The following RAB8B variants were observed in gnomAD, a reference collection of about 807,000 sequenced individuals.
The protein encoded by RAB8B is ras-related protein Rab-8B.
Under a neutral mutation model 32.0 loss-of-function variants are expected in RAB8B, and 11 were observed. The ratio of observed to expected loss-of-function variants is 0.34; its 90% CI spans 0.22 to 0.57. The LOEUF is 0.57. RAB8B is among the 20% of genes least tolerant of loss of function. The pLI is 0.86. For missense variants in RAB8B, 190 were observed against 258.5 expected (o/e 0.73, Z 1.82); for synonymous variants, 103 against 89.6 (o/e 1.15, Z -0.85).
chr15:63,195,880 A>G (rs1317713449), intron 1 of RAB8B, among the ~76,000 whole-genome samples: 2 of 152,214 alleles, frequency 1.3e-5, no homozygotes, highest in Admixed American at 6.5e-5. Flanking sequence ...AGCCACGGAA[A>G]TGTAAAAAGG....
intron 1 of RAB8B, among the ~76,000 whole-genome samples, chr15:63,217,998 A>G (rs1437508751): frequency 2.0e-5 from 3 of 152,194 alleles, no homozygotes; most frequent in Non-Finnish European, 4.4e-5. Flanking sequence ...TTTCTGAAAT[A>G]ATGTCTTTCT....
rs1381372299 is a variant in RAB8B, at chr15:63,266,815, C to T, written c.*3196C>T. 6.6e-6 allele frequency: 1 copy of T among 152,608 alleles called. No homozygotes were observed. The highest frequency in any genetic ancestry group is 1.9e-4 in the East Asian group (1 of 5,208). The allele number at this position is 152,608 out of a possible 1,614,324, so 9.5% of individuals were successfully genotyped here. The stretch of plus-strand genomic sequence containing the variant: ...CTCCATTTTACAGGTTCTGAATGCT[C>T]AGAGTCTATATTAAGGCTTATAAAG... On this transcript the variant is annotated 3_prime_UTR_variant, in exon 8 of 8. Coordinates refer to ENST00000321437, the MANE Select transcript of RAB8B (RefSeq NM_016530.3).
chr15:63,248,217 C>T lies in RAB8B; in HGVS notation c.186-1428C>T, dbSNP rs112855075. Among the ~76,000 whole-genome samples the T allele has an allele frequency of 5.9e-5, 9 of 152,294 alleles. No individual in the cohort carries two copies. Among genetic ancestry groups the T allele is most frequent in the African/African-American group, 2.2e-4 (9 of 41,568 alleles). On this transcript the variant is annotated intron_variant, in intron 2 of 7. Coordinates refer to ENST00000321437, the MANE Select transcript of RAB8B (RefSeq NM_016530.3). The surrounding 1 kb of genome is among the most constrained non-coding windows in gnomAD (Gnocchi z 4.4). Reference sequence around the variant, plus strand: ...TGAGACCTAAGATGCTTGTCTCCTTCAAGAGTATGAGCTGGGCCGGGTGCA... The same window carrying T: ...TGAGACCTAAGATGCTTGTCTCCTTTAAGAGTATGAGCTGGGCCGGGTGCA...
At chr15:63,220,043 A>C (rs2037830778) in intron 1 of RAB8B, among the ~76,000 whole-genome samples, 1 of 152,236 alleles carries the variant, frequency 6.6e-6, no homozygotes, top group South Asian at 2.1e-4. Flanking sequence ...TTTCTGAAGA[A>C]AGTAAGACTT....
chr15:63,199,164 G>C (rs1268512025), intron 1 of RAB8B, among the ~76,000 whole-genome samples: 2 of 152,222 alleles, frequency 1.3e-5, no homozygotes, highest in South Asian at 2.1e-4. Context: ...AAGATTTAGA[G>C]AGAGGGGATT....
At chr15:63,197,664 C>T (rs368087514) in intron 1 of RAB8B, among the ~76,000 whole-genome samples, 6 of 152,198 alleles carry the variant, frequency 3.9e-5, no homozygotes, top group East Asian at 1.9e-4. Context: ...AGCCACCACA[C>T]CTGGCTGAAA....
intron 1 of RAB8B, among the ~76,000 whole-genome samples, chr15:63,193,886 A>G (rs1436996130): frequency 2.0e-5 from 3 of 152,224 alleles, no homozygotes; most frequent in Non-Finnish European, 2.9e-5. Context: ...ACAACTAGGA[A>G]TGATGATACA....
chr15:63,231,842 T>C (rs1308618755), intron 1 of RAB8B, among the ~76,000 whole-genome samples: 1 of 152,212 alleles, frequency 6.6e-6, no homozygotes, highest in African/African-American at 2.4e-5. Context: ...AAAGAGACTT[T>C]ATTGAAGGTA....
chr15:63,195,917 T>G lies in RAB8B; in HGVS notation c.124+6169T>G, dbSNP rs147487433. Reference sequence around the variant, plus strand: ...AAATTCAAGGTAAGATTGTAGATTCTTACTACCTAGGTTAGGGGTTGCAAA... The same window carrying G: ...AAATTCAAGGTAAGATTGTAGATTCGTACTACCTAGGTTAGGGGTTGCAAA... On this transcript the variant is annotated intron_variant, in intron 1 of 7. Transcript: ENST00000321437. 4.0e-4 allele frequency among the ~76,000 whole-genome samples: 61 copies of G among 152,310 alleles called. No individual in the cohort carries two copies. In the East Asian group the frequency reaches 0.01, roughly 26 times the overall value.
intron 1 of RAB8B, among the ~76,000 whole-genome samples, chr15:63,227,955 T>C (rs35594365): frequency 0.36 from 54,382 of 151,650 alleles, 11,806 homozygotes; most frequent in Non-Finnish European, 0.5. Flanking sequence ...CTTCCTTTTC[T>C]CTTTCCTTTT....
intron 1 of RAB8B, among the ~76,000 whole-genome samples, chr15:63,213,993 AT>A (rs2037769634): frequency 6.6e-6 from 1 of 152,004 alleles, no homozygotes. Flanking sequence ...AGGCAGGAGA[AT>A]TGCTTGAACC....
intron 1 of RAB8B, among the ~76,000 whole-genome samples, chr15:63,195,437 GCAGGCAGCAAGT>G (rs1310792717): frequency 1.3e-5 from 2 of 152,234 alleles, no homozygotes; most frequent in Non-Finnish European, 2.9e-5. Flanking sequence ...CAGCTGTTCT[GCAGGCAGCAAGT>G]CAGGGAGGAG....
chr15:63,242,539 G>C (rs143384806), intron 1 of RAB8B, among the ~76,000 whole-genome samples: 1 of 152,070 alleles, frequency 6.6e-6, no homozygotes. Context: ...TTATCTGGGC[G>C]TGATGGTGCA....
At chr15:63,253,026 G>A (rs1223633566) in intron 3 of RAB8B, among the ~76,000 whole-genome samples, 1 of 152,180 alleles carries the variant, frequency 6.6e-6, no homozygotes, top group Non-Finnish European at 1.5e-5. Context: ...GGGATTACAG[G>A]CGTGAGCCAC....
rs1567023388 is a variant in RAB8B, at chr15:63,266,101, A to G, written c.*2482A>G. ...TATTTGTAGATGAATTTAATGACAG[A>G]TAATTGTCTGTTCCCCGCTGAAACT... On this transcript the variant is annotated 3_prime_UTR_variant, in exon 8 of 8. Coordinates refer to ENST00000321437, the MANE Select transcript of RAB8B (RefSeq NM_016530.3). 1 of 152,574 alleles carries G rather than the reference A, an allele frequency of 6.6e-6. No individual in the cohort carries two copies. The highest frequency in any genetic ancestry group is 1.5e-5 in the Non-Finnish European group (1 of 67,998). The allele number at this position is 152,574 out of a possible 1,614,324, so 9.5% of individuals were successfully genotyped here. A position where few individuals can be genotyped will look rare whatever the true frequency, so the allele number is the denominator to read the frequency against.
At chr15:63,241,034 T>G (rs897248573) in intron 1 of RAB8B, among the ~76,000 whole-genome samples, 1 of 152,188 alleles carries the variant, frequency 6.6e-6, no homozygotes, top group Admixed American at 6.5e-5. Flanking sequence ...CTGGTATACA[T>G]CGTCGTTTAT....
chr15:63,214,057 G>T (rs1181168214), intron 1 of RAB8B, among the ~76,000 whole-genome samples: 1 of 151,668 alleles, frequency 6.6e-6, no homozygotes, highest in Non-Finnish European at 1.5e-5. Flanking sequence ...CTCCAGCCTG[G>T]GTGACAGAGC....
chr15:63,205,959 G>T (rs1385828709), intron 1 of RAB8B, among the ~76,000 whole-genome samples: 1 of 152,172 alleles, frequency 6.6e-6, no homozygotes, highest in African/African-American at 2.4e-5. Flanking sequence ...ATATCCAATT[G>T]GAAGCTCCTG....
chr15:63,202,528 TTTAA>T (rs1312129799), intron 1 of RAB8B, among the ~76,000 whole-genome samples: 1 of 151,934 alleles, frequency 6.6e-6, no homozygotes, highest in Non-Finnish European at 1.5e-5. Context: ...GGGGACAGAG[TTTAA>T]TTATGAATCT....
Sources: gnomAD v4.1 joint callset for allele counts (sites outside exome capture counted in the v4.1 genomes callset) on GRCh38, gnomAD v4.1.1 for gene constraint, Gnocchi (gnomAD v3.1) non-coding constraint, MANE v1.5 for transcripts, NCBI Gene and HGNC (gene_info 2026-07-23, HGNC 2026-07-21) for gene names.